ATAD5: variants seen among roughly 807,000 people sequenced by gnomAD.
ATAD5 encodes the protein ATPase family AAA domain-containing protein 5.
ATAD5 carries 58 observed loss-of-function variants against 176.9 expected under a neutral mutation model. The observed-to-expected ratio is 0.33, with a 90% CI of 0.27 to 0.41. ATAD5 has a LOEUF of 0.41. Among genes scored for constraint, ATAD5 ranks in the 10% least tolerant of loss-of-function variants. The probability of loss-of-function intolerance (pLI) is 1.00; values close to 1 mark genes in which losing one functional copy is unlikely to be tolerated. For missense variants in ATAD5, 1,789 were observed against 2,094.1 expected, an observed-to-expected ratio of 0.85 and a Z score of 2.84; for synonymous variants, 640 against 712.6, an observed-to-expected ratio of 0.90 and a Z score of 1.62.
chr17:30,890,943 ACT>A (rs1362889967), intron 19 of ATAD5, among the ~76,000 whole-genome samples: 3 of 152,168 alleles, frequency 2.0e-5, no homozygotes, highest in Admixed American at 2.0e-4. Flanking sequence ...ATCCTATCCC[ACT>A]GTCTTTCACA....
chr17:30,847,316 C>CTATATATATA (rs552039836), intron 6 of ATAD5, among the ~76,000 whole-genome samples: 15 of 150,236 alleles, frequency 1.0e-4, no homozygotes, highest in African/African-American at 3.5e-4. Flanking sequence ...GAATATGCCG[C>CTATATATATA]TATATATATA....
At chr17:30,885,702 C>T (rs1419871441) in intron 18 of ATAD5, among the ~76,000 whole-genome samples, 1 of 125,130 alleles carries the variant, frequency 8.0e-6, no homozygotes, top group Non-Finnish European at 1.6e-5. Flanking sequence ...GGGGCAATTT[C>T]GGCTCACTGC....
chr17:30,877,305 G>A (rs571008915), intron 15 of ATAD5, 111 bp from the exon 16 acceptor site: 29 of 774,100 alleles, frequency 3.7e-5, no homozygotes, highest in East Asian at 2.6e-4. Context: ...CACCGCGCCC[G>A]TCCTGTTTCA....
chr17:30,894,774 C>A (rs760203790), intron 22 of ATAD5, 52 bp downstream of exon 22: 1 of 1,552,300 alleles, frequency 6.4e-7, no homozygotes, highest in African/African-American at 1.4e-5. Context: ...AAGATTAATA[C>A]ATATTTTCAT....
rs114803342 is a variant in ATAD5 at position 30,860,117 on chromosome 17, G to A, written c.2957-316G>A. ...TGGCTCCCTGCAGCCTCGATCTCCC[G>A]GGTTCATGTGATCCTCCCACCTCAG... On this transcript the variant is annotated intron_variant, in intron 9 of 22. Transcript: ENST00000321990. 4.6e-3 allele frequency among the ~76,000 whole-genome samples: 706 copies of A among 152,124 alleles called. 4 individuals carry two copies. Among genetic ancestry groups the A allele is most frequent in the Non-Finnish European group, 8.6e-3 (582 of 68,004 alleles).
rs781362252 is a variant in ATAD5 at position 30,834,430 on chromosome 17, G to T, written c.349G>T (p.Val117Phe). Reference sequence around the variant, plus strand: ...AGAGTTTAAGAAGAAAAGAAAGAGGGTTAATTTATCTCATCAACTAAATAA... The same window carrying T: ...AGAGTTTAAGAAGAAAAGAAAGAGGTTTAATTTATCTCATCAACTAAATAA... ...NVEFKKKRKRVNLSHQLNNIK... is the reference protein window; with the variant it reads ...NVEFKKKRKRFNLSHQLNNIK... The change falls in exon 2 of 23, where the codon GTT (valine) becomes TTT (phenylalanine). Residue 117 changes from valine (V) to phenylalanine (F), a missense_variant. Physicochemically the swap from Val to Phe is conservative, Grantham distance 50. Transcript: ENST00000321990. The T allele has an allele frequency of 2.5e-6, 4 of 1,597,854 alleles. No homozygotes were observed. The highest frequency in any genetic ancestry group is 1.1e-5 in the South Asian group (1 of 87,256).
chr17:30,835,551 T>C lies in ATAD5; in HGVS notation c.1470T>C (p.Ala490=), dbSNP rs757789042. 5 of 1,611,428 alleles carry C rather than the reference T, an allele frequency of 3.1e-6. No homozygotes were observed. Among genetic ancestry groups the C allele is most frequent in the Non-Finnish European group, 4.2e-6 (5 of 1,179,138 alleles). The change falls in exon 2 of 23, where the codon GCT becomes GCC. Residue 490 remains alanine (A), a synonymous_variant. Transcript: ENST00000321990. Reference sequence around the variant, plus strand: ...ATAAGAAAACATTAGATACTGGGGCTATTCCAGGCAAAAACAGAGAGGGAA... The same window carrying C: ...ATAAGAAAACATTAGATACTGGGGCCATTCCAGGCAAAAACAGAGAGGGAA... The part of the protein sequence containing the change: ...KKNKKTLDTG[A]IPGKNREGNT...
In ATAD5 at chr17:30,832,009, C is replaced by G. The variant is rs1905405798; in HGVS notation, c.-339C>G. 8.4e-6 allele frequency: 3 copies of G among 358,606 alleles called. No homozygotes were observed. Among genetic ancestry groups the G allele is most frequent in the Non-Finnish European group, 9.9e-6 (2 of 201,218 alleles). The allele number at this position is 358,606 out of a possible 1,614,324, so 22.2% of individuals were successfully genotyped here. On this transcript the variant is annotated 5_prime_UTR_variant, in exon 1 of 23. Transcript: ENST00000321990. ...AAACCCAATTGACAAGAATTCCCTC[C>G]GAAGCTCTGTGGTCCGATCTGCGGT...
chr17:30,832,774 T>G (rs1905459349), intron 1 of ATAD5, among the ~76,000 whole-genome samples: 1 of 152,186 alleles, frequency 6.6e-6, no homozygotes, highest in South Asian at 2.1e-4. Flanking sequence ...TCACTGAACT[T>G]TAGCGCTGAA....
intron 8 of ATAD5, 121 bp from the exon 9 acceptor site, chr17:30,858,040 G>T: frequency 4.5e-6 from 4 of 887,592 alleles, no homozygotes; most frequent in Non-Finnish European, 6.2e-6. Flanking sequence ...CACCACGCCC[G>T]GCCTAAAGCT....
chr17:30,841,056 CGAG>C (rs1906080928), intron 4 of ATAD5, among the ~76,000 whole-genome samples: 1 of 151,694 alleles, frequency 6.6e-6, no homozygotes, highest in Admixed American at 6.6e-5. Context: ...GTTGCCCAGG[CGAG>C]AGTGCAATGG....
At position 30,866,185 on chromosome 17, in the gene ATAD5, ATTTTTTTTT is replaced by A. The variant is rs542432593; in HGVS notation, c.3233+406_3233+414del. On this transcript the variant is annotated intron_variant, in intron 11 of 22. Coordinates refer to ENST00000321990, the MANE Select transcript of ATAD5 (RefSeq NM_024857.5). Reference sequence around the variant, plus strand: ...CCTTTACACTTAGTAGAATTTACAAATTTTTTTTTTTTTTTTTTTTTTTTTTTTTCAAGA... The same window carrying A: ...CCTTTACACTTAGTAGAATTTACAAATTTTTTTTTTTTTTTTTTTTCAAGA... Among the ~76,000 whole-genome samples the A allele has an allele frequency of 6.2e-4, 49 of 79,238 alleles. No individual in the cohort carries two copies. The East Asian group carries it at 0.014, about 22-fold the overall frequency. 52.0% of individuals were successfully genotyped at this position (79,238 alleles called of 152,430 possible).
In ATAD5 at chr17:30,877,505, G is replaced by A. The variant is rs758587019; in HGVS notation, c.3874G>A (p.Glu1292Lys). 3 of 1,611,740 alleles carry A rather than the reference G, an allele frequency of 1.9e-6. No individual in the cohort carries two copies. Among genetic ancestry groups the A allele is most frequent in the Admixed American group, 3.4e-5 (2 of 59,352 alleles). The change falls in exon 16 of 23, where the codon GAA (glutamate) becomes AAA (lysine). Residue 1292 changes from glutamate to lysine, a missense_variant. Glu to Lys is a moderately conservative substitution (Grantham distance 56). This residue lies in a region of ATAD5 where 194 missense variants were observed against 270.1 expected (regional missense o/e 0.72). Transcript: ENST00000321990. ...NSNVKDVGAE[E>K]PSRKNATSLI... ...AAATGTCAAAGACGTTGGAGCTGAA[G>A]AACCCAGCAGAAAAAATGCAACATC...
intron 14 of ATAD5, among the ~76,000 whole-genome samples, chr17:30,874,237 C>T (rs1908516749): frequency 6.7e-6 from 1 of 149,714 alleles, no homozygotes; most frequent in South Asian, 2.2e-4. Flanking sequence ...TGGTCTATAT[C>T]AAAATAAGAA....
intron 18 of ATAD5, among the ~76,000 whole-genome samples, chr17:30,879,783 T>C (rs973353816): frequency 1.1e-4 from 16 of 151,918 alleles, no homozygotes; most frequent in Non-Finnish European, 2.2e-4. Context: ...AGGATGGTCT[T>C]GATTTCCTGA....
chr17:30,847,316 C>CTATATATA lies in ATAD5; in HGVS notation c.2450+2405_2450+2412dup, dbSNP rs552039836. ...AAGTAGTACTCATATGAATATGCCGCTATATATATATAGAGAGAGAGAGAG... is the reference window on the plus strand; with the variant it reads ...AAGTAGTACTCATATGAATATGCCGCTATATATATATATATATATAGAGAGAGAGAGAG... On this transcript the variant is annotated intron_variant, in intron 6 of 22. Transcript: ENST00000321990. Among the ~76,000 whole-genome samples the CTATATATA allele has an allele frequency of 3.2e-3, 485 of 150,312 alleles. 1 individual carries two copies. The highest frequency in any genetic ancestry group is 0.012 in the African/African-American group (469 of 40,492).
rs9910517 is a variant in ATAD5 at position 30,862,339 on chromosome 17, C to A, written c.3136+1727C>A. On this transcript the variant is annotated intron_variant, in intron 10 of 22. Transcript: ENST00000321990. Reference sequence around the variant, plus strand: ...ACAGAGCAAGACTCCGTCTAGGGGGCAAAAAAAAAGGTAACAAAGTTGAAA... The same window carrying A: ...ACAGAGCAAGACTCCGTCTAGGGGGAAAAAAAAAAGGTAACAAAGTTGAAA... Among the ~76,000 whole-genome samples the A allele has an allele frequency of 5.7e-3, 653 of 115,104 alleles. 4 individuals are homozygous for A. The highest frequency in any genetic ancestry group is 0.018 in the African/African-American group (626 of 34,854). The allele number at this position is 115,104 out of a possible 152,430, so 75.5% of individuals were successfully genotyped here.
chr17:30,843,864 A>T (rs1417970177), intron 4 of ATAD5, 49 bp from the exon 5 acceptor site: 4 of 1,074,338 alleles, frequency 3.7e-6, no homozygotes, highest in Non-Finnish European at 3.8e-6. Context: ...AATTTCAATG[A>T]TATTAATTAT....
At chr17:30,836,534 AT>A (rs966574074) in intron 2 of ATAD5, among the ~76,000 whole-genome samples, 41 of 150,138 alleles carry the variant, frequency 2.7e-4, no homozygotes, top group African/African-American at 5.1e-4. Context: ...ATGTAATTAA[AT>A]TTTTTTTTTA....
Sources: gnomAD v4.1 joint callset for allele counts (sites outside exome capture counted in the v4.1 genomes callset) on GRCh38, gnomAD v4.1.1 for gene constraint, gnomAD v4.1.1 regional missense constraint, MANE v1.5 for transcripts, NCBI Gene and HGNC (gene_info 2026-07-23, HGNC 2026-07-21) for gene names.